The following ERCC6L2 variants were observed in gnomAD, a reference collection of about 807,000 sequenced individuals.
The protein encoded by ERCC6L2 is DNA excision repair protein ERCC-6-like 2.
ERCC6L2 carries 77 observed loss-of-function variants against 132.0 expected under a neutral mutation model. The ratio of observed to expected loss-of-function variants is 0.58; its 90% CI spans 0.49 to 0.71. The LOEUF is 0.71. ERCC6L2 is among the 30% of genes least tolerant of loss of function. The pLI, the probability that ERCC6L2 is intolerant of heterozygous loss-of-function variation, is 0.00. For synonymous variants in ERCC6L2, 583 were observed against 632.4 expected, an observed-to-expected ratio of 0.92 and a Z score of 1.17; for missense variants, 1,542 against 1,837.6, an observed-to-expected ratio of 0.84 and a Z score of 2.94.
At chr9:95,882,897 G>A (rs1458516855) in intron 2 of ERCC6L2, among the ~76,000 whole-genome samples, 4 of 152,246 alleles carry the variant, frequency 2.6e-5, no homozygotes, top group African/African-American at 9.6e-5. Context: ...TTAGCATGCC[G>A]GCCTGTAGGT....
Position 95,966,671 on chromosome 9 carries a change from A to C in ERCC6L2, c.2057A>C (p.Lys686Thr). ...GELFGIHNLF[K>T]FRSQGSCLTK... ...CTTTTTGGGATCCATAACCTCTTCA[A>C]ATTTAGGTCCCAAGGGTCTTGTCTT... Residue 686 changes from lysine (K) to threonine (T), a missense_variant, in exon 14 of 19, where the codon AAA (lysine) becomes ACA (threonine). Transcript: ENST00000653738. 1 of 1,516,990 alleles carries C rather than the reference A, an allele frequency of 6.6e-7. No individual in the cohort carries two copies. Among genetic ancestry groups the C allele is most frequent in the East Asian group, 2.3e-5 (1 of 43,348 alleles). The allele number at this position is 1,516,990 out of a possible 1,614,324, so 94.0% of individuals were successfully genotyped here. A position where few individuals can be genotyped will look rare whatever the true frequency, so the allele number is the denominator to read the frequency against.
At chr9:95,971,659 C>G (rs1164434867) in intron 15 of ERCC6L2, 1 of 180,702 alleles carries the variant, frequency 5.5e-6, no homozygotes, top group Non-Finnish European at 1.2e-5. Flanking sequence ...AGAAGCCAAA[C>G]ACTCCACTTT....
intron 17 of ERCC6L2, among the ~76,000 whole-genome samples, chr9:95,995,974 A>T (rs1454274209): frequency 6.6e-6 from 1 of 152,246 alleles, no homozygotes; most frequent in Non-Finnish European, 1.5e-5. Flanking sequence ...TTAATTGTTC[A>T]ACTTTAAAGG....
intron 4 of ERCC6L2, among the ~76,000 whole-genome samples, chr9:95,913,436 C>T (rs1829434173): frequency 1.3e-5 from 1 of 79,384 alleles, no homozygotes. Flanking sequence ...TTACACCCTT[C>T]GCTTGCTTGC....
intron 18 of ERCC6L2, among the ~76,000 whole-genome samples, chr9:96,007,449 G>A (rs1421421012): frequency 6.6e-6 from 1 of 152,218 alleles, no homozygotes; most frequent in Non-Finnish European, 1.5e-5. Context: ...TGAGAGTTTA[G>A]CTGCTAGCAG....
chr9:95,981,461 A>G (rs1400310218), intron 17 of ERCC6L2, among the ~76,000 whole-genome samples: 1 of 152,202 alleles, frequency 6.6e-6, no homozygotes, highest in Non-Finnish European at 1.5e-5. Context: ...TCCTAACATA[A>G]ATTTTGAATT....
chr9:95,937,179 G>A (rs777250920), intron 11 of ERCC6L2, among the ~76,000 whole-genome samples: 9 of 152,106 alleles, frequency 5.9e-5, no homozygotes, highest in Non-Finnish European at 8.8e-5. Context: ...TGCGTATTTC[G>A]TTTTATAAGA....
intron 2 of ERCC6L2, among the ~76,000 whole-genome samples, chr9:95,890,438 T>C (rs2132559764): frequency 6.6e-6 from 1 of 152,324 alleles, no homozygotes. Flanking sequence ...ATAGCTAGTA[T>C]GAAACTGGTT....
chr9:95,988,614 C>T (rs1380989909), intron 17 of ERCC6L2, among the ~76,000 whole-genome samples: 1 of 152,190 alleles, frequency 6.6e-6, no homozygotes, highest in Admixed American at 6.5e-5. Context: ...CAAATATCCT[C>T]CAGAAATTTA....
chr9:95,959,485 C>T (rs1285554193), intron 13 of ERCC6L2, among the ~76,000 whole-genome samples: 1 of 151,740 alleles, frequency 6.6e-6, no homozygotes, highest in African/African-American at 2.4e-5. Flanking sequence ...GACTTCATGT[C>T]TAAAACACCA....
rs767745101 is a variant in ERCC6L2 at position 96,015,015 on chromosome 9, GTT to G, written c.*1836_*1837del. Among the ~76,000 whole-genome samples the G allele has an allele frequency of 6.1e-5, 4 of 65,430 alleles. No individual in the cohort carries two copies. The highest frequency in any genetic ancestry group is 1.1e-4 in the Non-Finnish European group (4 of 37,996). The allele number at this position is 65,430 out of a possible 152,430, so 42.9% of individuals were successfully genotyped here. A position where few individuals can be genotyped will look rare whatever the true frequency, so the allele number is the denominator to read the frequency against. On this transcript the variant is annotated 3_prime_UTR_variant, in exon 19 of 19. Transcript: ENST00000653738. ...GCTCTATAGTCTTCATATATGTACA[GTT>G]TTTTTTTTTTTTTTTTTTTTTTTGA...
At chr9:95,980,472 T>C (rs548848729) in intron 17 of ERCC6L2, among the ~76,000 whole-genome samples, 2 of 152,282 alleles carry the variant, frequency 1.3e-5, no homozygotes, top group East Asian at 3.9e-4. Flanking sequence ...GCAGAAACAC[T>C]CATTTCAGTG....
intron 17 of ERCC6L2, among the ~76,000 whole-genome samples, chr9:95,999,212 T>A (rs2133184468): frequency 6.6e-6 from 1 of 152,062 alleles, no homozygotes; most frequent in South Asian, 2.1e-4. Flanking sequence ...TACAAAAAAA[T>A]TAGCCAGGCG....
chr9:95,926,042 A>G (rs899475589), intron 9 of ERCC6L2, among the ~76,000 whole-genome samples: 1 of 152,176 alleles, frequency 6.6e-6, no homozygotes, highest in African/African-American at 2.4e-5. Context: ...AGGAGATACC[A>G]CTAGATACCT....
intron 9 of ERCC6L2, among the ~76,000 whole-genome samples, chr9:95,926,103 A>G (rs1338747216): frequency 6.6e-6 from 1 of 152,212 alleles, no homozygotes; most frequent in East Asian, 1.9e-4. Context: ...GTTGGTGAGG[A>G]TGTGGAGTAA....
At chr9:95,899,769 T>A (rs1828673642) in intron 3 of ERCC6L2, among the ~76,000 whole-genome samples, 1 of 151,976 alleles carries the variant, frequency 6.6e-6, no homozygotes, top group South Asian at 2.1e-4. Flanking sequence ...TATAAAATAG[T>A]GTATTTGCAT....
chr9:95,920,389 CT>C (rs1227106703), intron 6 of ERCC6L2, among the ~76,000 whole-genome samples: 4 of 152,044 alleles, frequency 2.6e-5, no homozygotes, highest in Non-Finnish European at 4.4e-5. Context: ...ATAACATTTT[CT>C]TTTTTTCTAG....
intron 16 of ERCC6L2, among the ~76,000 whole-genome samples, chr9:95,977,224 C>T (rs966830587): frequency 6.6e-6 from 1 of 152,048 alleles, no homozygotes; most frequent in African/African-American, 2.4e-5. Flanking sequence ...ATGTATAGTA[C>T]CTGGTATTCT....
At position 95,971,933 on chromosome 9, in the gene ERCC6L2, C is replaced by T. The variant is rs749966462; in HGVS notation, c.2182C>T (p.Pro728Ser). The change falls in exon 16 of 19, where the codon CCT (proline) becomes TCT (serine). Residue 728 changes from proline (P) to serine (S), a missense_variant and splice_region_variant. Physicochemically the swap from Pro to Ser is moderately conservative, Grantham distance 74. Transcript: ENST00000653738. Reference protein sequence around the residue: ...EGPPAHKLEMPRQPDCQECRG... With the variant: ...EGPPAHKLEMSRQPDCQECRG... ...GTTTTTGTCATTGTTTCTCCTATAG[C>T]CTAGACAGCCTGACTGTCAGGAATG... is the stretch of plus-strand genomic sequence containing the variant. 1.5e-6 allele frequency: 2 copies of T among 1,292,480 alleles called. No individual in the cohort carries two copies. Among genetic ancestry groups the T allele is most frequent in the South Asian group, 1.3e-5 (1 of 79,442 alleles). 80.1% of individuals were successfully genotyped at this position (1,292,480 alleles called of 1,614,324 possible).
Sources: gnomAD v4.1 joint callset for allele counts (sites outside exome capture counted in the v4.1 genomes callset) on GRCh38, gnomAD v4.1.1 for gene constraint, MANE v1.5 for transcripts, NCBI Gene and HGNC (gene_info 2026-07-23, HGNC 2026-07-21) for gene names.